The following ERCC1 variants were observed in gnomAD, a reference collection of about 807,000 sequenced individuals.
ERCC1 encodes DNA excision repair protein ERCC-1.
ERCC1 carries 36 observed loss-of-function variants against 37.6 expected under a neutral mutation model. That is an observed-to-expected ratio of 0.96 (90% CI 0.73 to 1.26). The LOEUF is 1.26. Ranked by LOEUF, ERCC1 falls within the 50% of genes most tolerant of loss-of-function variation. The pLI is 0.00. For synonymous variants in ERCC1, 156 were observed against 162.1 expected (o/e 0.96, Z 0.28); for missense variants, 349 against 376.5 (o/e 0.93, Z 0.60).
At position 45,419,042 on chromosome 19, in the gene ERCC1, C is replaced by T. The variant is rs184466629; in HGVS notation, c.525+56G>A. The T allele has an allele frequency of 2.1e-4, 244 of 1,164,384 alleles. 2 individuals are homozygous for T. The East Asian group carries it at 4.4e-3, about 21-fold the overall frequency. The allele number at this position is 1,164,384 out of a possible 1,614,324, so 72.1% of individuals were successfully genotyped here. ...TTTCCTCTTGGAAGGGATTCAACAGCCCACTGCACAACCTCAAAGCCCGGT... is the reference window on the plus strand; with the variant it reads ...TTTCCTCTTGGAAGGGATTCAACAGTCCACTGCACAACCTCAAAGCCCGGT... On this transcript the variant is annotated intron_variant, in intron 5 of 9. Transcript: ENST00000300853.
intron 6 of ERCC1, 126 bp downstream of exon 6, chr19:45,416,693 CAG>C: frequency 2.8e-6 from 2 of 714,928 alleles, no homozygotes. Flanking sequence ...AACTGAAGGC[CAG>C]AGAGAGGCAG....
intron 1 of ERCC1, among the ~76,000 whole-genome samples, chr19:45,449,770 G>A (rs1172954972): frequency 1.3e-5 from 2 of 152,150 alleles, no homozygotes; most frequent in Non-Finnish European, 2.9e-5. Flanking sequence ...TTCAAGACCA[G>A]CCTGGCCAAC....
chr19:45,408,943 C>A lies in ERCC1; in HGVS notation c.*732G>T, dbSNP rs773206067. Reference sequence around the variant, plus strand: ...CACTGGAGGAAGCCATCCCTCTGCCCCCTACGAAGAAGAGGAAAAAAGAAA... The same window carrying A: ...CACTGGAGGAAGCCATCCCTCTGCCACCTACGAAGAAGAGGAAAAAAGAAA... On this transcript the variant is annotated 3_prime_UTR_variant, in exon 10 of 10. Transcript: ENST00000300853. 1 of 1,613,982 alleles carries A rather than the reference C, an allele frequency of 6.2e-7. No individual in the cohort carries two copies. The highest frequency in any genetic ancestry group is 1.1e-5 in the South Asian group (1 of 91,068).
Position 45,423,907 on chromosome 19 carries a change from G to C in ERCC1, c.-134C>G. On this transcript the variant is annotated 5_prime_UTR_variant, in exon 1 of 10. Coordinates refer to ENST00000300853, the MANE Select transcript of ERCC1 (RefSeq NM_001983.4). ...GCACGGCCAGCGTGGCCCAGGGCTC[G>C]CAGCACTTCCGGCCTCTCTGGCCCC... 1 of 1,103,012 alleles carries C rather than the reference G, an allele frequency of 9.1e-7. No individual in the cohort carries two copies. The highest frequency in any genetic ancestry group is 4.5e-5 in the East Asian group (1 of 22,290). 68.3% of individuals were successfully genotyped at this position (1,103,012 alleles called of 1,614,324 possible). A position where few individuals can be genotyped will look rare whatever the true frequency, so the allele number is the denominator to read the frequency against.
At chr19:45,439,676 C>G (rs1452881579) in intron 1 of ERCC1, among the ~76,000 whole-genome samples, 1 of 151,984 alleles carries the variant, frequency 6.6e-6, no homozygotes, top group Non-Finnish European at 1.5e-5. Context: ...CTCTGAACCC[C>G]GGCGGACGCG....
At chr19:45,425,012 C>T (rs1211820684), upstream of ERCC1, among the ~76,000 whole-genome samples, 2 of 150,308 alleles carry the variant, frequency 1.3e-5, no homozygotes, top group Non-Finnish European at 3.0e-5. Flanking sequence ...ACCTCCCCCT[C>T]CCGGGTTCAA....
At chr19:45,437,059 G>A (rs1974998720) in intron 1 of ERCC1, among the ~76,000 whole-genome samples, 1 of 152,124 alleles carries the variant, frequency 6.6e-6, no homozygotes, top group Non-Finnish European at 1.5e-5. Flanking sequence ...AGACCAGCCT[G>A]ACCAACATGG....
chr19:45,414,012 A>G lies in ERCC1; in HGVS notation c.725T>C (p.Val242Ala), dbSNP rs755285547. Residue 242 changes from valine (V) to alanine (A), a missense_variant, in exon 8 of 10, where the codon GTG (valine) becomes GCG (alanine). Transcript: ENST00000300853. ...ACTGTCCGTTTTGTTGACTGACTTCACGGTGGTCAGACATTCAGTCACCTG... is the reference window on the plus strand; with the variant it reads ...ACTGTCCGTTTTGTTGACTGACTTCGCGGTGGTCAGACATTCAGTCACCTG... ...VSRVTECLTT[V>A]KSVNKTDSQT... is the part of the protein sequence containing the mutation. 5 of 1,613,382 alleles carry G rather than the reference A, an allele frequency of 3.1e-6. No homozygotes were observed. The South Asian group carries it at 5.5e-5, about 18-fold the overall frequency.
intron 1 of ERCC1, among the ~76,000 whole-genome samples, chr19:45,448,849 A>G (rs1487149898): frequency 6.6e-6 from 1 of 151,950 alleles, no homozygotes; most frequent in Admixed American, 6.6e-5. Flanking sequence ...TCCTTGGCCC[A>G]TGCTTTAATA....
At chr19:45,448,584 A>G (rs556814822) in intron 1 of ERCC1, among the ~76,000 whole-genome samples, 50 of 152,268 alleles carry the variant, frequency 3.3e-4, no homozygotes, top group African/African-American at 9.9e-4. Context: ...ACAGTTGCTC[A>G]CGCCAGTAAT....
chr19:45,441,899 G>A (rs926832639), intron 1 of ERCC1, among the ~76,000 whole-genome samples: 3 of 149,208 alleles, frequency 2.0e-5, no homozygotes, highest in Admixed American at 6.7e-5. Context: ...AGCCAGGATG[G>A]TCTCGATCTC....
chr19:45,407,951 G>T lies in ERCC1; in HGVS notation c.*1724C>A, dbSNP rs540871734. On this transcript the variant is annotated 3_prime_UTR_variant, in exon 10 of 10. Transcript: ENST00000300853. ...TGCCTGTAATCCCAGCTACTTGAGA[G>T]GCTGAGGCAGGAGAATCGCTTGAAC... 1.4e-6 allele frequency: 1 copy of T among 719,346 alleles called. No homozygotes were observed. The highest frequency in any genetic ancestry group is 3.2e-5 in the Admixed American group (1 of 30,776). The allele number at this position is 719,346 out of a possible 1,614,324, so 44.6% of individuals were successfully genotyped here. A position where few individuals can be genotyped will look rare whatever the true frequency, so the allele number is the denominator to read the frequency against.
rs560766196 is a variant in ERCC1 at position 45,407,968 on chromosome 19, C to T, written c.*1707G>A. On this transcript the variant is annotated 3_prime_UTR_variant, in exon 10 of 10. Transcript: ENST00000300853. ...ACTTGAGAGGCTGAGGCAGGAGAAT[C>T]GCTTGAACCCAGGAGGTGGACATTG... 18 of 861,392 alleles carry T rather than the reference C, an allele frequency of 2.1e-5. No individual in the cohort carries two copies. The highest frequency in any genetic ancestry group is 3.8e-4 in the Middle Eastern group (1 of 2,630). The allele number at this position is 861,392 out of a possible 1,614,324, so 53.4% of individuals were successfully genotyped here.
intron 1 of ERCC1, among the ~76,000 whole-genome samples, chr19:45,450,896 C>A (rs1341996833): frequency 7.8e-5 from 7 of 89,820 alleles, no homozygotes; most frequent in South Asian, 8.0e-4. Context: ...CGCCCCCCCC[C>A]CCCCCCCCCA....
In ERCC1 at chr19:45,407,382, A is replaced by T. The variant is rs1451401551; in HGVS notation, c.*2293T>A. The stretch of plus-strand genomic sequence containing the variant: ...TGGAAACTACTCCTTTACAGAGTAG[A>T]GTGTCCTCAGAAAGCAGGGGGAGAA... On this transcript the variant is annotated 3_prime_UTR_variant, in exon 10 of 10. Coordinates refer to ENST00000300853, the MANE Select transcript of ERCC1 (RefSeq NM_001983.4). The T allele has an allele frequency of 1.2e-5, 8 of 695,308 alleles. No homozygotes were observed. The highest frequency in any genetic ancestry group is 7.5e-5 in the African/African-American group (4 of 53,616). The allele number at this position is 695,308 out of a possible 1,614,324, so 43.1% of individuals were successfully genotyped here. A position where few individuals can be genotyped will look rare whatever the true frequency, so the allele number is the denominator to read the frequency against.
Position 45,416,814 on chromosome 19 carries a change from A to G in ERCC1, c.602+7T>C. ...GCCTGAATGAGGCAGGGAAGCCCTC[A>G]TCTCACCTCCAGGCGAGGATCAATG... On this transcript the variant is annotated splice_region_variant and intron_variant, in intron 6 of 9. Coordinates refer to ENST00000300853, the MANE Select transcript of ERCC1 (RefSeq NM_001983.4). 1 of 1,611,176 alleles carries G rather than the reference A, an allele frequency of 6.2e-7. No individual in the cohort carries two copies. Among genetic ancestry groups the G allele is most frequent in the Non-Finnish European group, 8.5e-7 (1 of 1,177,450 alleles).
Position 45,408,939 on chromosome 19 carries a change from T to C in ERCC1, c.*736A>G, listed in dbSNP as rs1380467170. On this transcript the variant is annotated 3_prime_UTR_variant, in exon 10 of 10. Transcript: ENST00000300853. ...GAGCCACTGGAGGAAGCCATCCCTCTGCCCCCTACGAAGAAGAGGAAAAAA... is the reference window on the plus strand; with the variant it reads ...GAGCCACTGGAGGAAGCCATCCCTCCGCCCCCTACGAAGAAGAGGAAAAAA... 6.2e-7 allele frequency: 1 copy of C among 1,613,996 alleles called. No individual in the cohort carries two copies. Among genetic ancestry groups the C allele is most frequent in the East Asian group, 2.2e-5 (1 of 44,868 alleles).
Position 45,409,251 on chromosome 19 carries a change from AAGAG to A in ERCC1, c.*420_*423del, listed in dbSNP as rs747817890. 1.2e-6 allele frequency: 2 copies of A among 1,613,442 alleles called. No homozygotes were observed. Among genetic ancestry groups the A allele is most frequent in the Non-Finnish European group, 1.7e-6 (2 of 1,179,654 alleles). Reference sequence around the variant, plus strand: ...TCCACCAAGAAGAAGAAGAAGAAGAAAGAGAGAGGTCACACAGTGACTGAGCCAA... The same window carrying A: ...TCCACCAAGAAGAAGAAGAAGAAGAAAGAGGTCACACAGTGACTGAGCCAA... On this transcript the variant is annotated 3_prime_UTR_variant, in exon 10 of 10. Transcript: ENST00000300853.
intron 1 of ERCC1, among the ~76,000 whole-genome samples, chr19:45,440,963 G>C (rs918486442): frequency 6.6e-6 from 1 of 151,974 alleles, no homozygotes; most frequent in Admixed American, 6.6e-5. Context: ...GGCTGGTCTT[G>C]AGCTCCTGGC....
Sources: allele counts gnomAD v4.1 joint callset (sites outside exome capture counted in the v4.1 genomes callset), GRCh38; gene constraint gnomAD v4.1.1; transcripts MANE v1.5; gene names NCBI Gene and HGNC (gene_info 2026-07-23, HGNC 2026-07-21).